PHF21A: variants seen among roughly 807,000 people sequenced by gnomAD.
PHF21A encodes PHD finger protein 21A.
PHF21A carries 11 observed loss-of-function variants against 82.5 expected under a neutral mutation model. The ratio of observed to expected loss-of-function variants is 0.13; its 90% CI spans 0.08 to 0.22. The LOEUF (loss-of-function observed/expected upper bound fraction) is 0.22, where lower values mean the gene tolerates loss of function less well. Ranked by LOEUF, PHF21A falls within the 10% of genes least tolerant of loss-of-function variation. The pLI, the probability that PHF21A is intolerant of heterozygous loss-of-function variation, is 1.00. For synonymous variants in PHF21A, 297 were observed against 302.8 expected (o/e 0.98, Z 0.20); for missense variants, 579 against 837.8 (o/e 0.69, Z 3.81).
chr11:46,076,003 C>G (rs2096720230), intron 6 of PHF21A, among the ~76,000 whole-genome samples: 1 of 152,182 alleles, frequency 6.6e-6, no homozygotes, highest in Non-Finnish European at 1.5e-5. Context: ...CAGAAAACCA[C>G]TCTTTCTAAC....
intron 1 of PHF21A, among the ~76,000 whole-genome samples, chr11:46,117,560 G>A (rs931261942): frequency 4.0e-5 from 6 of 151,884 alleles, no homozygotes; most frequent in Admixed American, 2.0e-4. Flanking sequence ...AAATCCGAGG[G>A]GAAAAAACTA....
intron 1 of PHF21A, among the ~76,000 whole-genome samples, chr11:46,118,434 A>C (rs1187098067): frequency 2.0e-5 from 3 of 151,038 alleles, no homozygotes; most frequent in African/African-American, 7.3e-5. Context: ...AAAAAAAAAA[A>C]AGCCCCTGGA....
chr11:45,999,258 G>A (rs2095031723), intron 6 of PHF21A, among the ~76,000 whole-genome samples: 1 of 152,222 alleles, frequency 6.6e-6, no homozygotes, highest in Non-Finnish European at 1.5e-5. Context: ...AAACCTGGGA[G>A]AGTATATATT....
At position 46,017,003 on chromosome 11, in the gene PHF21A, C is replaced by T. The variant is rs1247417496; in HGVS notation, c.154-37037G>A. The stretch of plus-strand genomic sequence containing the variant: ...TTTTTTTAATTGAGATGGAGTCTCA[C>T]TCTGTCACCCAGGCTGGAGTGCAGT... On this transcript the variant is annotated intron_variant, in intron 6 of 18. Transcript: ENST00000676320. 2.6e-5 allele frequency among the ~76,000 whole-genome samples: 4 copies of T among 151,572 alleles called. No homozygotes were observed. The East Asian group carries it at 5.8e-4, about 22-fold the overall frequency.
intron 5 of PHF21A, among the ~76,000 whole-genome samples, chr11:46,078,312 C>G (rs2096751594): frequency 2.0e-5 from 3 of 152,074 alleles, no homozygotes; most frequent in Admixed American, 2.0e-4. Flanking sequence ...CAATCAAAAA[C>G]TTGATTTTAC....
intron 6 of PHF21A, among the ~76,000 whole-genome samples, chr11:45,987,288 T>C (rs2094527189): frequency 2.8e-5 from 2 of 71,858 alleles, no homozygotes; most frequent in Admixed American, 2.9e-4. Context: ...GTATGTAACC[T>C]GACCCATCAA....
chr11:45,982,356 A>C (rs2136350895), intron 6 of PHF21A, among the ~76,000 whole-genome samples: 1 of 152,290 alleles, frequency 6.6e-6, no homozygotes, highest in East Asian at 1.9e-4. Context: ...GCTATGCATT[A>C]TATTCTGCTA....
At chr11:46,017,658 A>G (rs1009743904) in intron 6 of PHF21A, among the ~76,000 whole-genome samples, 15 of 152,274 alleles carry the variant, frequency 9.9e-5, no homozygotes, top group African/African-American at 3.6e-4. Flanking sequence ...ACTCACTATA[A>G]TATTTTCTTC....
At chr11:45,990,954 A>C (rs1434178377) in intron 6 of PHF21A, among the ~76,000 whole-genome samples, 3 of 152,230 alleles carry the variant, frequency 2.0e-5, no homozygotes. Flanking sequence ...GATTTAGACA[A>C]ACATATAATG....
chr11:46,066,566 G>A (rs1049976678), intron 6 of PHF21A, among the ~76,000 whole-genome samples: 4 of 152,112 alleles, frequency 2.6e-5, no homozygotes, highest in Non-Finnish European at 5.9e-5. Flanking sequence ...AGGCGTGACA[G>A]TGCATGCCTG....
intron 6 of PHF21A, among the ~76,000 whole-genome samples, chr11:46,012,768 TAAGGCCA>T (rs150213753): frequency 0.022 from 3,407 of 152,120 alleles, 52 homozygotes; most frequent in Middle Eastern, 0.037. Flanking sequence ...CTGGCCTGCT[TAAGGCCA>T]AACTCATTGT....
At chr11:45,967,599 T>G (rs1316018936) in intron 9 of PHF21A, among the ~76,000 whole-genome samples, 1 of 152,198 alleles carries the variant, frequency 6.6e-6, no homozygotes, top group African/African-American at 2.4e-5. Context: ...CTTATTTCCT[T>G]ACACCTGAGC....
intron 7 of PHF21A, among the ~76,000 whole-genome samples, chr11:45,975,306 C>T (rs2093969778): frequency 7.2e-6 from 1 of 138,156 alleles, no homozygotes; most frequent in Non-Finnish European, 1.5e-5. Flanking sequence ...ACAGTGAGAC[C>T]CTGTCTCAAA....
At chr11:46,001,537 T>G (rs930481505) in intron 6 of PHF21A, among the ~76,000 whole-genome samples, 1 of 151,952 alleles carries the variant, frequency 6.6e-6, no homozygotes, top group Non-Finnish European at 1.5e-5. Flanking sequence ...CCTAATAACA[T>G]AGGGAGGAAA....
chr11:46,118,698 C>T (rs1852096314), intron 1 of PHF21A: 1 of 152,044 alleles, frequency 6.6e-6, no homozygotes, highest in African/African-American at 2.4e-5. Context: ...ACACCGATTC[C>T]ATAAACAAGT....
chr11:46,101,835 C>A (rs1326368673), intron 1 of PHF21A, among the ~76,000 whole-genome samples: 1 of 148,750 alleles, frequency 6.7e-6, no homozygotes, highest in Non-Finnish European at 1.5e-5. Context: ...AGGGTTTCAC[C>A]ATGTTGCCCG....
At chr11:46,102,449 G>T (rs1228966691) in intron 1 of PHF21A, among the ~76,000 whole-genome samples, 1 of 152,184 alleles carries the variant, frequency 6.6e-6, no homozygotes, top group Non-Finnish European at 1.5e-5. Flanking sequence ...GGCATCAGTG[G>T]TATTCTGTAT....
chr11:45,985,367 T>G (rs984104275), intron 6 of PHF21A, among the ~76,000 whole-genome samples: 1 of 152,210 alleles, frequency 6.6e-6, no homozygotes, highest in Non-Finnish European at 1.5e-5. Flanking sequence ...AATGTATGTA[T>G]TGTTTAATGG....
chr11:45,967,790 G>A (rs548041817), intron 9 of PHF21A, among the ~76,000 whole-genome samples: 8 of 152,178 alleles, frequency 5.3e-5, no homozygotes, highest in Non-Finnish European at 1.0e-4. Flanking sequence ...CCCTGTGGTG[G>A]GTGCTACTGA....
Sources: allele counts gnomAD v4.1 joint callset (sites outside exome capture counted in the v4.1 genomes callset), GRCh38; gene constraint gnomAD v4.1.1; transcripts MANE v1.5; gene names NCBI Gene and HGNC (gene_info 2026-07-23, HGNC 2026-07-21).